The following CDON variants were observed in gnomAD, a reference collection of about 807,000 sequenced individuals.
CDON encodes cell adhesion molecule-related/down-regulated by oncogenes.
Under a neutral mutation model 120.9 loss-of-function variants are expected in CDON, and 73 were observed. The ratio of observed to expected loss-of-function variants is 0.60; its 90% CI spans 0.50 to 0.73. The LOEUF (loss-of-function observed/expected upper bound fraction) is 0.73, where lower values mean the gene tolerates loss of function less well. CDON is among the 30% of genes least tolerant of loss of function. The pLI, the probability that CDON is intolerant of heterozygous loss-of-function variation, is 0.00. For missense variants in CDON, 1,470 were observed against 1,587.3 expected (o/e 0.93, Z 1.26); for synonymous variants, 566 against 573.5 (o/e 0.99, Z 0.19).
rs564779762 is a variant in CDON at position 126,039,795 on chromosome 11, C to T, written c.-61-16258G>A. Among the ~76,000 whole-genome samples, 286 of 152,196 alleles carry T rather than the reference C, an allele frequency of 1.9e-3. 2 individuals are homozygous for T. The highest frequency in any genetic ancestry group is 5.7e-4 in the Non-Finnish European group (39 of 68,028). On this transcript the variant is annotated intron_variant, in intron 1 of 19. Transcript: ENST00000531738. ...ATGTGTCTCAGAGTCCCATCCCTGT[C>T]TTCTTAAGCTTCCCCTCCAAAATAA...
At position 126,017,110 on chromosome 11, in the gene CDON, C is replaced by T; in HGVS notation, c.906G>A (p.Val302=). ...TACCAAGTACATTAACCATGTAAGT[C>T]ACATATTTTACATCTCCAGACTTGT... ...AGNKSGDVKY[V]TYMVNVLEHA... Residue 302 remains valine (V), a synonymous_variant, in exon 6 of 20, where the codon GTG becomes GTA. Transcript: ENST00000531738. 2 of 1,614,104 alleles carry T rather than the reference C, an allele frequency of 1.2e-6. No individual in the cohort carries two copies. Among genetic ancestry groups the T allele is most frequent in the Non-Finnish European group, 1.7e-6 (2 of 1,179,978 alleles).
Position 125,957,589 on chromosome 11 carries a change from T to C in CDON, c.*3353A>G, listed in dbSNP as rs1945519670. On this transcript the variant is annotated 3_prime_UTR_variant, in exon 20 of 20. Transcript: ENST00000531738. ...AAATAAAACATACTTTTCAATATGA[T>C]ACAAAGCATGCATCTCAAAGTCATT... The C allele has an allele frequency of 6.6e-6, 1 of 152,214 alleles. No homozygotes were observed. Among genetic ancestry groups the C allele is most frequent in the African/African-American group, 2.4e-5 (1 of 41,452 alleles). The allele number at this position is 152,214 out of a possible 1,614,324, so 9.4% of individuals were successfully genotyped here.
intron 1 of CDON, among the ~76,000 whole-genome samples, chr11:126,024,954 C>T (rs1302700625): frequency 2.0e-5 from 3 of 152,034 alleles, no homozygotes; most frequent in African/African-American, 7.3e-5. Flanking sequence ...TTTGTAATCC[C>T]AGCACTTTGG....
intron 4 of CDON, among the ~76,000 whole-genome samples, chr11:126,018,858 C>T (rs1403893458): frequency 6.6e-6 from 1 of 152,158 alleles, no homozygotes; most frequent in Admixed American, 6.5e-5. Flanking sequence ...GCGTGAGCCA[C>T]CGGCCAGCCT....
chr11:126,038,005 T>C (rs1948148343), intron 1 of CDON, among the ~76,000 whole-genome samples: 1 of 152,144 alleles, frequency 6.6e-6, no homozygotes, highest in Non-Finnish European at 1.5e-5. Context: ...ACAGCAAAGA[T>C]ATCCAAAGTC....
intron 18 of CDON, among the ~76,000 whole-genome samples, chr11:125,972,236 G>A (rs1414369331): frequency 7.0e-6 from 1 of 142,202 alleles, no homozygotes; most frequent in Admixed American, 7.1e-5. Context: ...GACCAGCCTA[G>A]CCAACATGGC....
intron 8 of CDON, 119 bp from the exon 9 acceptor site, chr11:126,006,176 A>C (rs963779675): frequency 1.2e-6 from 1 of 846,420 alleles, no homozygotes; most frequent in Admixed American, 1.9e-5. Context: ...CCCAGAAGTT[A>C]AAACGGGTAA....
At position 126,017,258 on chromosome 11, in the gene CDON, A is replaced by C; in HGVS notation, c.758T>G (p.Val253Gly). The C allele has an allele frequency of 6.2e-7, 1 of 1,613,966 alleles. No individual in the cohort carries two copies. The highest frequency in any genetic ancestry group is 1.1e-5 in the South Asian group (1 of 91,062). ...GTCCTGCCCGTCCTTTAGCCAATAC[A>C]CTTGAGGAGCCGGGACCCCACTCAC... Reference protein sequence around the residue: ...CVVSGVPAPQVYWLKDGQDIA... With the variant: ...CVVSGVPAPQGYWLKDGQDIA... The change falls in exon 6 of 20, where the codon GTG becomes GGG. Residue 253 changes from valine to glycine, a missense_variant. Physicochemically the swap from Val to Gly is moderately radical, Grantham distance 109 (BLOSUM62 -3). Coordinates refer to ENST00000531738, the MANE Select transcript of CDON (RefSeq NM_001378964.1).
chr11:126,059,631 CA>C (rs1393162443), intron 1 of CDON, among the ~76,000 whole-genome samples: 4 of 152,082 alleles, frequency 2.6e-5, no homozygotes, highest in Non-Finnish European at 5.9e-5. Context: ...CTTCGGGGAT[CA>C]AGAGATCTCA....
intron 16 of CDON, among the ~76,000 whole-genome samples, chr11:125,982,020 G>T (rs1173268374): frequency 1.1e-5 from 1 of 88,660 alleles, no homozygotes; most frequent in African/African-American, 4.7e-5. Flanking sequence ...TTTCGCTCTT[G>T]TTGCCCAGGC....
At chr11:125,984,653 C>T (rs571873904) in intron 15 of CDON, among the ~76,000 whole-genome samples, 4 of 148,434 alleles carry the variant, frequency 2.7e-5, no homozygotes, top group African/African-American at 1.0e-4. Flanking sequence ...GCCCAGATCA[C>T]GCCACTGCAC....
chr11:125,978,315 T>G lies in CDON; in HGVS notation c.3345A>C (p.Arg1115=), dbSNP rs1395913530. The change falls in exon 18 of 20, where the codon CGA becomes CGC. Residue 1115 remains arginine, a synonymous_variant. Transcript: ENST00000531738. ...CATTATTAACATACCTATTGTTGTT[T>G]CGACAATTTCGGCAGTTAACACACT... ...PLECVNCRNC[R]NNNRCFTKTN... 1 of 1,597,898 alleles carries G rather than the reference T, an allele frequency of 6.3e-7. No individual in the cohort carries two copies. The highest frequency in any genetic ancestry group is 8.6e-7 in the Non-Finnish European group (1 of 1,167,302).
At chr11:126,028,619 T>G (rs185153765) in intron 1 of CDON, among the ~76,000 whole-genome samples, 1 of 152,104 alleles carries the variant, frequency 6.6e-6, no homozygotes, top group African/African-American at 2.4e-5. Context: ...TGCCTCAGCC[T>G]CCCAAAGTGC....
chr11:125,995,825 A>T (rs932870207), intron 12 of CDON, among the ~76,000 whole-genome samples: 1 of 152,248 alleles, frequency 6.6e-6, no homozygotes, highest in African/African-American at 2.4e-5. Flanking sequence ...TATGCTGCGC[A>T]TGTTGCTTGT....
chr11:126,032,959 G>C (rs1947983976), intron 1 of CDON, among the ~76,000 whole-genome samples: 2 of 152,190 alleles, frequency 1.3e-5, no homozygotes, highest in Admixed American at 1.3e-4. Context: ...AGTGAGCTAT[G>C]ATCGCACCAC....
chr11:126,037,807 T>C (rs926137267), intron 1 of CDON, among the ~76,000 whole-genome samples: 1 of 152,158 alleles, frequency 6.6e-6, no homozygotes, highest in East Asian at 1.9e-4. Context: ...ATGGCTTAGG[T>C]TCTGTCTGCA....
At chr11:126,001,617 A>G (rs1946946224) in intron 11 of CDON, 102 bp downstream of exon 11, 1 of 953,408 alleles carries the variant, frequency 1.0e-6, no homozygotes, top group Non-Finnish European at 1.7e-6. Context: ...ACTGTATGGT[A>G]AGATATGAAA....
Position 126,011,391 on chromosome 11 carries a change from C to A in CDON, c.1199-697G>T, listed in dbSNP as rs369824025. On this transcript the variant is annotated intron_variant, in intron 7 of 19. Coordinates refer to ENST00000531738, the MANE Select transcript of CDON (RefSeq NM_001378964.1). The stretch of plus-strand genomic sequence containing the variant: ...CCTTCCCATGTCTGACAAAACCAAC[C>A]AACAACTGATACCGGATTTCTGGAT... Among the ~76,000 whole-genome samples the A allele has an allele frequency of 2.0e-5, 3 of 152,072 alleles. No individual in the cohort carries two copies. In the East Asian group the frequency reaches 5.8e-4, roughly 29 times the overall value.
chr11:125,961,764 G>C lies in CDON; in HGVS notation c.3591C>G (p.Val1197=), dbSNP rs781374692. 1 of 1,614,134 alleles carries C rather than the reference G, an allele frequency of 6.2e-7. No individual in the cohort carries two copies. The highest frequency in any genetic ancestry group is 1.1e-5 in the South Asian group (1 of 91,078). Residue 1197 remains valine (V), a synonymous_variant, in exon 19 of 20, where the codon GTC becomes GTG. Transcript: ENST00000531738. Reference sequence around the variant, plus strand: ...CTGGATCTTCTGAGCCATCAGAGCTGACGTCATTTACAATGTCCTGACAGC... The same window carrying C: ...CTGGATCTTCTGAGCCATCAGAGCTCACGTCATTTACAATGTCCTGACAGC... The part of the protein sequence containing the change: ...RTCCQDIVND[V]SSDGSEDPAE...
Sources: gnomAD v4.1 joint callset for allele counts (sites outside exome capture counted in the v4.1 genomes callset) on GRCh38, gnomAD v4.1.1 for gene constraint, MANE v1.5 for transcripts, NCBI Gene and HGNC (gene_info 2026-07-23, HGNC 2026-07-21) for gene names.